The following THG1L variants were observed in gnomAD, a reference collection of about 807,000 sequenced individuals.
THG1L encodes the protein probable tRNA(His) guanylyltransferase.
Under a neutral mutation model 35.2 loss-of-function variants are expected in THG1L, and 27 were observed. The observed-to-expected ratio is 0.77, with a 90% confidence interval of 0.57 to 1.06. The LOEUF (loss-of-function observed/expected upper bound fraction) is 1.06, where lower values mean the gene tolerates loss of function less well. Among genes scored for constraint, THG1L ranks in the 50% least tolerant of loss-of-function variants. The pLI is 0.00. For missense variants in THG1L, 377 were observed against 371.8 expected, an observed-to-expected ratio of 1.01 and a Z score of -0.12; for synonymous variants, 135 against 132.4, an observed-to-expected ratio of 1.02 and a Z score of -0.14.
chr5:157,737,775 A>G (rs1760921632), intron 4 of THG1L, 112 bp from the exon 5 acceptor site: 2 of 750,802 alleles, frequency 2.7e-6, no homozygotes, highest in South Asian at 1.9e-5. Flanking sequence ...ATGTTTGATA[A>G]AATCCTTCCA....
In THG1L at chr5:157,740,736, C is replaced by T. The variant is rs1761018516; in HGVS notation, c.*1254C>T. Reference sequence around the variant, plus strand: ...GACCAACGTGGAGAAACCCCCGTCTCTACTAAAAATACAAAAAATTAGCTG... The same window carrying T: ...GACCAACGTGGAGAAACCCCCGTCTTTACTAAAAATACAAAAAATTAGCTG... On this transcript the variant is annotated 3_prime_UTR_variant, in exon 6 of 6. Transcript: ENST00000231198. 1 of 151,992 alleles carries T rather than the reference C, an allele frequency of 6.6e-6. No homozygotes were observed. The highest frequency in any genetic ancestry group is 1.5e-5 in the Non-Finnish European group (1 of 68,030). 9.4% of individuals were successfully genotyped at this position (151,992 alleles called of 1,614,324 possible). A position where few individuals can be genotyped will look rare whatever the true frequency, so the allele number is the denominator to read the frequency against.
At chr5:157,736,076 T>C in intron 4 of THG1L, 142 bp downstream of exon 4, 1 of 626,502 alleles carries the variant, frequency 1.6e-6, no homozygotes, top group South Asian at 2.0e-5. Context: ...AAAATCATAA[T>C]AGGAGCAGCT....
At chr5:157,731,679 G>A (rs1760724304) in intron 1 of THG1L, 48 bp downstream of exon 1, 1 of 1,559,384 alleles carries the variant, frequency 6.4e-7, no homozygotes, top group Non-Finnish European at 8.7e-7. Flanking sequence ...CGCTTCCGGG[G>A]AATCCAGCTT....
At chr5:157,738,769 A>G (rs113605971) in intron 5 of THG1L, 2 of 307,564 alleles carry the variant, frequency 6.5e-6, no homozygotes, top group South Asian at 2.7e-5. Context: ...GTTATTGCTA[A>G]TGAGGAACAT....
chr5:157,738,258 G>A (rs1216435595), intron 5 of THG1L, among the ~76,000 whole-genome samples: 1 of 152,128 alleles, frequency 6.6e-6, no homozygotes, highest in Non-Finnish European at 1.5e-5. Context: ...CCCTGTATCC[G>A]ATAAAATCCT....
chr5:157,740,276 A>T lies in THG1L; in HGVS notation c.*794A>T, dbSNP rs1020181745. The T allele has an allele frequency of 1.3e-5, 2 of 152,264 alleles. No individual in the cohort carries two copies. Among genetic ancestry groups the T allele is most frequent in the Non-Finnish European group, 2.9e-5 (2 of 68,048 alleles). The allele number at this position is 152,264 out of a possible 1,614,324, so 9.4% of individuals were successfully genotyped here. ...CATGTACTCAAGACATTTCAGTTTT[A>T]AAAGTCACTTTCCTATTAGACTTCT... On this transcript the variant is annotated 3_prime_UTR_variant, in exon 6 of 6. Coordinates refer to ENST00000231198, the MANE Select transcript of THG1L (RefSeq NM_017872.5).
intron 1 of THG1L, among the ~76,000 whole-genome samples, chr5:157,731,954 C>A (rs1052376556): frequency 2.6e-5 from 4 of 152,154 alleles, no homozygotes; most frequent in Non-Finnish European, 5.9e-5. Context: ...GCTCTTAAGC[C>A]AATTGCCTAG....
At position 157,731,523 on chromosome 5, in the gene THG1L, C is replaced by A. The variant is rs761606768; in HGVS notation, c.83C>A (p.Ala28Glu). The A allele has an allele frequency of 3.1e-6, 5 of 1,612,652 alleles. No individual in the cohort carries two copies. The highest frequency in any genetic ancestry group is 4.2e-6 in the Non-Finnish European group (5 of 1,179,310). The change falls in exon 1 of 6, where the codon GCG becomes GAG. Residue 28 changes from alanine (A) to glutamate (E), a missense_variant. Coordinates refer to ENST00000231198, the MANE Select transcript of THG1L (RefSeq NM_017872.5). Reference protein sequence around the residue: ...ITLRRYLRLGATMAKSKFEYV... With the variant: ...ITLRRYLRLGETMAKSKFEYV... ...CTGAGACGGTACCTGAGATTGGGGGCGACCATGGCAAAAAGCAAGTTCGAG... is the reference window on the plus strand; with the variant it reads ...CTGAGACGGTACCTGAGATTGGGGGAGACCATGGCAAAAAGCAAGTTCGAG...
rs1288106028 is a variant in THG1L, at chr5:157,731,456, A to G, written c.16A>G (p.Lys6Glu). The G allele has an allele frequency of 1.9e-6, 3 of 1,601,350 alleles. No individual in the cohort carries two copies. Among genetic ancestry groups the G allele is most frequent in the Admixed American group, 3.4e-5 (2 of 58,884 alleles). ...CGCGTGTAGAATGTGGGGCGCCTGT[A>G]AAGTTAAGGTTCACGATTCCTTGGC... The part of the protein sequence containing the change: MWGAC[K>E]VKVHDSLATI... The change falls in exon 1 of 6, where the codon AAA becomes GAA. Residue 6 changes from lysine (K) to glutamate (E), a missense_variant. By Grantham distance (56) the Lys-to-Glu change is moderately conservative (BLOSUM62 1). Coordinates refer to ENST00000231198, the MANE Select transcript of THG1L (RefSeq NM_017872.5).
intron 5 of THG1L, among the ~76,000 whole-genome samples, chr5:157,738,410 A>G (rs1240016363): frequency 6.6e-6 from 1 of 152,206 alleles, no homozygotes; most frequent in Admixed American, 6.5e-5. Flanking sequence ...AATGTATATG[A>G]GGGTTTGTTA....
In THG1L at chr5:157,739,348, A is replaced by G. The variant is rs1367521461; in HGVS notation, c.763A>G (p.Lys255Glu). Residue 255 changes from lysine to glutamate, a missense_variant, in exon 6 of 6, where the codon AAG becomes GAG. By Grantham distance (56) the Lys-to-Glu change is moderately conservative (BLOSUM62 1). Coordinates refer to ENST00000231198, the MANE Select transcript of THG1L (RefSeq NM_017872.5). ...KVDEVMTKEI[K>E]LPTEMEGKKM... ...GGATGAAGTGATGACAAAAGAAATT[A>G]AGCTGCCAACAGAAATGGAAGGAAA... 6.2e-7 allele frequency: 1 copy of G among 1,613,166 alleles called. No homozygotes were observed. The highest frequency in any genetic ancestry group is 1.7e-5 in the Admixed American group (1 of 59,912).
At position 157,731,585 on chromosome 5, in the gene THG1L, G is replaced by C; in HGVS notation, c.145G>C (p.Ala49Pro). Reference sequence around the variant, plus strand: ...CTTCGAGGCTGACGACACCTGCCTGGCACACTGCTGGGTGGTAGTGCGGCT... The same window carrying C: ...CTTCGAGGCTGACGACACCTGCCTGCCACACTGCTGGGTGGTAGTGCGGCT... ...RDFEADDTCL[A>P]HCWVVVRLDG... is the part of the protein sequence containing the mutation. Residue 49 changes from alanine to proline, a missense_variant, in exon 1 of 6, where the codon GCA becomes CCA. Physicochemically the swap from Ala to Pro is conservative, Grantham distance 27. Coordinates refer to ENST00000231198, the MANE Select transcript of THG1L (RefSeq NM_017872.5). The C allele has an allele frequency of 1.2e-6, 2 of 1,610,712 alleles. No homozygotes were observed.
At chr5:157,736,851 T>C (rs1443696027) in intron 4 of THG1L, among the ~76,000 whole-genome samples, 1 of 152,250 alleles carries the variant, frequency 6.6e-6, no homozygotes, top group Non-Finnish European at 1.5e-5. Flanking sequence ...ATGAAGCACA[T>C]TGTAAGTGCT....
rs1018166884 is a variant in THG1L, at chr5:157,740,745, A to C, written c.*1263A>C. On this transcript the variant is annotated 3_prime_UTR_variant, in exon 6 of 6. Transcript: ENST00000231198. ...GGAGAAACCCCCGTCTCTACTAAAA[A>C]TACAAAAAATTAGCTGGGCATGGTG... is the stretch of plus-strand genomic sequence containing the variant. 9 of 152,148 alleles carry C rather than the reference A, an allele frequency of 5.9e-5. No individual in the cohort carries two copies. The allele number at this position is 152,148 out of a possible 1,614,324, so 9.4% of individuals were successfully genotyped here. A position where few individuals can be genotyped will look rare whatever the true frequency, so the allele number is the denominator to read the frequency against.
Position 157,739,347 on chromosome 5 carries a change from T to G in THG1L, c.762T>G (p.Ile254Met), listed in dbSNP as rs1272514124. 14 of 1,613,012 alleles carry G rather than the reference T, an allele frequency of 8.7e-6. No homozygotes were observed. Among genetic ancestry groups the G allele is most frequent in the Non-Finnish European group, 1.2e-5 (14 of 1,179,514 alleles). The change falls in exon 6 of 6, where the codon ATT (isoleucine) becomes ATG (methionine). Residue 254 changes from isoleucine to methionine, a missense_variant. Physicochemically the swap from Ile to Met is conservative, Grantham distance 10. Transcript: ENST00000231198. ...TGGATGAAGTGATGACAAAAGAAAT[T>G]AAGCTGCCAACAGAAATGGAAGGAA... ...QKVDEVMTKE[I>M]KLPTEMEGKK...
At position 157,731,569 on chromosome 5, in the gene THG1L, T is replaced by C. The variant is rs1554094073; in HGVS notation, c.129T>C (p.Ala43=). ...TCGAGTACGTGAGGGACTTCGAGGC[T>C]GACGACACCTGCCTGGCACACTGCT... is the stretch of plus-strand genomic sequence containing the variant. ...SKFEYVRDFE[A]DDTCLAHCWV... Residue 43 remains alanine, a synonymous_variant, in exon 1 of 6, where the codon GCT becomes GCC. Transcript: ENST00000231198. 6 of 1,611,770 alleles carry C rather than the reference T, an allele frequency of 3.7e-6. No homozygotes were observed. The South Asian group carries it at 6.6e-5, about 18-fold the overall frequency.
chr5:157,737,823 GAT>G (rs1760922644), intron 4 of THG1L, 62 bp from the exon 5 acceptor site: 2 of 1,306,132 alleles, frequency 1.5e-6, no homozygotes, highest in Non-Finnish European at 2.2e-6. Flanking sequence ...GGGTCGAATG[GAT>G]AGTAGCACTA....
At chr5:157,738,385 G>A (rs1760938322) in intron 5 of THG1L, among the ~76,000 whole-genome samples, 1 of 152,124 alleles carries the variant, frequency 6.6e-6, no homozygotes, top group Admixed American at 6.5e-5. Context: ...ACTGTAATAT[G>A]AGGCACTAAG....
chr5:157,731,970 C>T (rs1183334918), intron 1 of THG1L, among the ~76,000 whole-genome samples: 2 of 152,138 alleles, frequency 1.3e-5, no homozygotes, highest in Non-Finnish European at 2.9e-5. Context: ...CCTAGCTATT[C>T]TGTTAGATAT....
Sources: allele counts gnomAD v4.1 joint callset (sites outside exome capture counted in the v4.1 genomes callset), GRCh38; gene constraint gnomAD v4.1.1; transcripts MANE v1.5; gene names NCBI Gene and HGNC (gene_info 2026-07-23, HGNC 2026-07-21).